The following PGCKA1 variants were observed in gnomAD, a reference collection of about 807,000 sequenced individuals.
The protein encoded by PGCKA1 is PDCD10 and GCKIII kinases associated 1.
the PGCKA1 span, among the ~76,000 whole-genome samples, chr4:37,483,960 G>T: frequency 6.6e-6 from 1 of 152,174 alleles, no homozygotes; most frequent in African/African-American, 2.4e-5. Flanking sequence ...TGGGAGGATG[G>T]CTGAGAGGAT....
chr4:37,590,095 T>C, the PGCKA1 span: 1 of 1,611,892 alleles, frequency 6.2e-7, no homozygotes, highest in African/African-American at 1.3e-5. Context: ...AAGCTATCTC[T>C]TTGATCCAGT....
the PGCKA1 span, among the ~76,000 whole-genome samples, chr4:37,526,582 T>C: frequency 6.6e-6 from 1 of 152,212 alleles, no homozygotes; most frequent in African/African-American, 2.4e-5. Context: ...TAACGATGTT[T>C]TGGTCAGCTA....
At chr4:37,589,157 T>C in the PGCKA1 span, among the ~76,000 whole-genome samples, 13 of 152,336 alleles carry the variant, frequency 8.5e-5, no homozygotes, top group African/African-American at 3.1e-4. Flanking sequence ...TCTGGGTTTC[T>C]GAGGATGCCT....
the PGCKA1 span, among the ~76,000 whole-genome samples, chr4:37,509,563 C>T: frequency 4.6e-5 from 7 of 151,896 alleles, no homozygotes; most frequent in Admixed American, 2.0e-4. Flanking sequence ...GACGGGGTGG[C>T]GGCCGGGCAG....
chr4:37,578,198 G>T, the PGCKA1 span, among the ~76,000 whole-genome samples: 1 of 152,122 alleles, frequency 6.6e-6, no homozygotes, highest in Non-Finnish European at 1.5e-5. Flanking sequence ...TTTCGCTCCA[G>T]TAATATTTGC....
At chr4:37,472,012 A>G in the PGCKA1 span, among the ~76,000 whole-genome samples, 1 of 152,118 alleles carries the variant, frequency 6.6e-6, no homozygotes, top group Non-Finnish European at 1.5e-5. Context: ...ATGTATGGCT[A>G]CCTTATGGGG....
chr4:37,577,618 T>C, the PGCKA1 span, among the ~76,000 whole-genome samples: 2 of 152,164 alleles, frequency 1.3e-5, no homozygotes, highest in African/African-American at 2.4e-5. Flanking sequence ...CTGTTGCTTC[T>C]CTAGTTCTTT....
At chr4:37,570,443 A>AAG in the PGCKA1 span, among the ~76,000 whole-genome samples, 1 of 151,762 alleles carries the variant, frequency 6.6e-6, no homozygotes, top group East Asian at 1.9e-4. Context: ...AAAAAAAAAA[A>AAG]AAAAAGATTG....
the PGCKA1 span, among the ~76,000 whole-genome samples, chr4:37,560,950 TC>T: frequency 0.35 from 53,305 of 151,918 alleles, 9,566 homozygotes; most frequent in Non-Finnish European, 0.38. Context: ...CTGTGACTGT[TC>T]CCTTCATCTT....
chr4:37,459,074 G>A, the PGCKA1 span, among the ~76,000 whole-genome samples: 1 of 152,082 alleles, frequency 6.6e-6, no homozygotes, highest in Non-Finnish European at 1.5e-5. Flanking sequence ...ACGGAGCTCT[G>A]CCTCCCTACA....
chr4:37,516,176 A>G, the PGCKA1 span, among the ~76,000 whole-genome samples: 1 of 152,232 alleles, frequency 6.6e-6, no homozygotes, highest in East Asian at 1.9e-4. Context: ...CTGGCGCCGT[A>G]AAGGCTAAAG....
the PGCKA1 span, among the ~76,000 whole-genome samples, chr4:37,498,215 C>G: frequency 6.6e-6 from 1 of 152,050 alleles, no homozygotes; most frequent in African/African-American, 2.4e-5. Flanking sequence ...GATCAGTTGG[C>G]TATAAGTATT....
chr4:37,583,882 C>G, the PGCKA1 span, among the ~76,000 whole-genome samples: 1 of 152,226 alleles, frequency 6.6e-6, no homozygotes, highest in East Asian at 1.9e-4. Flanking sequence ...TGATTTTGCT[C>G]AGTAATAAAG....
At chr4:37,500,538 T>C in the PGCKA1 span, among the ~76,000 whole-genome samples, 1 of 152,250 alleles carries the variant, frequency 6.6e-6, no homozygotes, top group African/African-American at 2.4e-5. Context: ...TCATATCTGA[T>C]TATGTGATTG....
the PGCKA1 span, among the ~76,000 whole-genome samples, chr4:37,507,321 T>C: frequency 3.9e-5 from 6 of 152,250 alleles, no homozygotes; most frequent in East Asian, 3.9e-4. Flanking sequence ...CATTTTGTTA[T>C]TTCTTTTCTG....
At chr4:37,557,742 A>G in the PGCKA1 span, among the ~76,000 whole-genome samples, 1,956 of 152,304 alleles carry the variant, frequency 0.013, 109 homozygotes, top group East Asian at 0.14. Flanking sequence ...AACAGTTTAT[A>G]TGATGTTCCA....
At chr4:37,464,478 G>A in the PGCKA1 span, among the ~76,000 whole-genome samples, 5 of 152,216 alleles carry the variant, frequency 3.3e-5, no homozygotes, top group South Asian at 4.2e-4. Context: ...AGCACAGCCC[G>A]CCCTTAGTAA....
the PGCKA1 span, among the ~76,000 whole-genome samples, chr4:37,508,532 T>G: frequency 6.6e-6 from 1 of 151,778 alleles, no homozygotes; most frequent in Non-Finnish European, 1.5e-5. Flanking sequence ...TTGCATTTTT[T>G]TATTCTTAAA....
At chr4:37,562,305 C>A in the PGCKA1 span, among the ~76,000 whole-genome samples, 1 of 152,140 alleles carries the variant, frequency 6.6e-6, no homozygotes, top group East Asian at 1.9e-4. Flanking sequence ...TATCGATGAA[C>A]ACCAGGTACA....
Sources: gnomAD v4.1 joint callset for allele counts (sites outside exome capture counted in the v4.1 genomes callset) on GRCh38, gnomAD v4.1.1 for gene constraint, MANE v1.5 for transcripts, NCBI Gene and HGNC (gene_info 2026-07-23, HGNC 2026-07-21) for gene names.